The following NOX4 variants were observed in gnomAD, a reference collection of about 807,000 sequenced individuals.
NOX4 encodes NADPH oxidase 4.
NOX4 carries 69 observed loss-of-function variants against 87.6 expected under a neutral mutation model. The observed-to-expected ratio is 0.79, with a 90% CI of 0.65 to 0.96. NOX4 has a LOEUF of 0.96. Ranked by LOEUF, NOX4 falls within the 40% of genes least tolerant of loss-of-function variation. NOX4 has a pLI of 0.00. For missense variants in NOX4, 680 were observed against 681.5 expected (o/e 1.00, Z 0.02); for synonymous variants, 275 against 238.2 (o/e 1.15, Z -1.42).
chr11:89,494,399 A>G (rs896449361), upstream of NOX4, among the ~76,000 whole-genome samples: 2 of 152,208 alleles, frequency 1.3e-5, no homozygotes, highest in Non-Finnish European at 2.9e-5. Flanking sequence ...GGGAAATACA[A>G]TACTCTTTCT....
chr11:89,379,487 G>A (rs1357211442), intron 11 of NOX4, among the ~76,000 whole-genome samples: 1 of 152,112 alleles, frequency 6.6e-6, no homozygotes, highest in Non-Finnish European at 1.5e-5. Context: ...ACAAGGAGAC[G>A]TGAAACACAA....
intron 7 of NOX4, among the ~76,000 whole-genome samples, chr11:89,429,066 C>A (rs180725494): frequency 6.6e-6 from 1 of 152,262 alleles, no homozygotes; most frequent in South Asian, 2.1e-4. Context: ...CACTCAAAAC[C>A]GCTCAACTGC....
intron 2 of NOX4, among the ~76,000 whole-genome samples, chr11:89,468,528 T>C (rs1324664610): frequency 3.3e-5 from 5 of 152,330 alleles, no homozygotes; most frequent in Admixed American, 3.3e-4. Context: ...TTATGTCACA[T>C]AAAGGCTCAT....
chr11:89,474,529 C>T (rs917958961), intron 2 of NOX4, among the ~76,000 whole-genome samples: 2 of 144,630 alleles, frequency 1.4e-5, no homozygotes, highest in Admixed American at 6.9e-5. Flanking sequence ...TTATGGTGTA[C>T]ATTATGGCAT....
At chr11:89,455,052 T>C (rs931342767) in intron 2 of NOX4, among the ~76,000 whole-genome samples, 14 of 152,212 alleles carry the variant, frequency 9.2e-5, no homozygotes, top group South Asian at 4.1e-4. Flanking sequence ...CCTACTCCAA[T>C]AGCTCCTATA....
At chr11:89,364,591 T>C (rs1287940252) in intron 12 of NOX4, among the ~76,000 whole-genome samples, 1 of 152,008 alleles carries the variant, frequency 6.6e-6, no homozygotes, top group African/African-American at 2.4e-5. Flanking sequence ...TTTCAGAAGA[T>C]GAGATGTATG....
At chr11:89,358,986 G>A (rs1332866923) in intron 12 of NOX4, among the ~76,000 whole-genome samples, 1 of 151,300 alleles carries the variant, frequency 6.6e-6, no homozygotes, top group East Asian at 1.9e-4. Flanking sequence ...GCTGACTAAC[G>A]ATGTGATAAT....
chr11:89,354,534 G>A (rs575697459), intron 13 of NOX4, among the ~76,000 whole-genome samples: 4 of 152,250 alleles, frequency 2.6e-5, no homozygotes, highest in Non-Finnish European at 5.9e-5. Context: ...AGAATATGTA[G>A]AGATTGTCAA....
intron 12 of NOX4, among the ~76,000 whole-genome samples, chr11:89,371,774 C>T (rs117861910): frequency 0.018 from 2,673 of 151,760 alleles, 77 homozygotes; most frequent in East Asian, 0.12. Context: ...TATCAGAGGA[C>T]GACCATGATC....
intron 9 of NOX4, 57 bp downstream of exon 9, chr11:89,402,269 G>C: frequency 8.0e-7 from 1 of 1,248,962 alleles, no homozygotes; most frequent in Non-Finnish European, 1.2e-6. Context: ...TATATGTGAT[G>C]TTGATCAGTC....
intron 2 of NOX4, among the ~76,000 whole-genome samples, chr11:89,487,941 T>A (rs1296787280): frequency 6.6e-6 from 1 of 152,140 alleles, no homozygotes; most frequent in East Asian, 1.9e-4. Flanking sequence ...AGTAAAACTG[T>A]AGAAGGAGTT....
chr11:89,491,478 C>T, upstream of NOX4: 3 of 505,458 alleles, frequency 5.9e-6, no homozygotes, highest in South Asian at 5.6e-5. Flanking sequence ...GTCAGCTCTG[C>T]CCACTCAGCT....
At chr11:89,560,421 T>C in the NOX4 span, among the ~76,000 whole-genome samples, 2 of 152,128 alleles carry the variant, frequency 1.3e-5, no homozygotes, top group Non-Finnish European at 2.9e-5. Context: ...GAGTTTTATG[T>C]CTGTAGTTTT....
chr11:89,526,292 T>C, the NOX4 span, among the ~76,000 whole-genome samples: 1 of 152,200 alleles, frequency 6.6e-6, no homozygotes, highest in Non-Finnish European at 1.5e-5. Flanking sequence ...ATGGGGTACA[T>C]CTGATATATT....
At chr11:89,476,298 C>T (rs1262310393) in intron 2 of NOX4, among the ~76,000 whole-genome samples, 2 of 151,990 alleles carry the variant, frequency 1.3e-5, no homozygotes, top group Non-Finnish European at 2.9e-5. Context: ...TTTACTGTAA[C>T]TATATATATG....
chr11:89,516,982 C>T, the NOX4 span, among the ~76,000 whole-genome samples: 4 of 116,828 alleles, frequency 3.4e-5, no homozygotes, highest in Admixed American at 3.7e-4. Flanking sequence ...TCTTCCTCCT[C>T]CTCCTCCTCC....
chr11:89,380,582 T>C (rs555090255), intron 11 of NOX4, among the ~76,000 whole-genome samples: 163 of 152,222 alleles, frequency 1.1e-3, no homozygotes, highest in African/African-American at 3.9e-3. Flanking sequence ...AAAATAAGGA[T>C]TGAATAAATT....
At chr11:89,484,277 C>T (rs897985243) in intron 2 of NOX4, among the ~76,000 whole-genome samples, 1 of 151,896 alleles carries the variant, frequency 6.6e-6, no homozygotes, top group African/African-American at 2.4e-5. Flanking sequence ...AAATATTGAG[C>T]CTTAGAATTC....
chr11:89,528,345 G>A, the NOX4 span, among the ~76,000 whole-genome samples: 5 of 152,148 alleles, frequency 3.3e-5, no homozygotes, highest in African/African-American at 1.2e-4. Context: ...AATGAATTAA[G>A]ACTTTGAGGG....
Sources: gnomAD v4.1 joint callset for allele counts (sites outside exome capture counted in the v4.1 genomes callset) on GRCh38, gnomAD v4.1.1 for gene constraint, MANE v1.5 for transcripts, NCBI Gene and HGNC (gene_info 2026-07-23, HGNC 2026-07-21) for gene names.